The following PRKG1 variants were observed in gnomAD, a reference collection of about 807,000 sequenced individuals.
PRKG1 encodes protein kinase cGMP-dependent 1.
In PRKG1, 35 loss-of-function variants were observed where a neutral mutation model predicts 88.1. That is an observed-to-expected ratio of 0.40 (90% CI 0.30 to 0.53). The LOEUF is 0.53. PRKG1 is among the 20% of genes least tolerant of loss of function. PRKG1 has a pLI of 0.59. For missense variants in PRKG1, 540 were observed against 839.8 expected (o/e 0.64, Z 4.41); for synonymous variants, 303 against 292.5 (o/e 1.04, Z -0.37).
chr10:51,751,457 G>A (rs368681182), intron 3 of PRKG1, among the ~76,000 whole-genome samples: 1 of 152,068 alleles, frequency 6.6e-6, no homozygotes, highest in Non-Finnish European at 1.5e-5. Flanking sequence ...TGAACTCCTG[G>A]CCTCAAGTTA....
At chr10:52,170,585 G>A (rs370150941) in intron 9 of PRKG1, among the ~76,000 whole-genome samples, 1 of 152,178 alleles carries the variant, frequency 6.6e-6, no homozygotes, top group Admixed American at 6.5e-5. Flanking sequence ...TGCAAGAGCT[G>A]TAGGGAGTAT....
chr10:52,219,500 C>T (rs1300414187), intron 9 of PRKG1, among the ~76,000 whole-genome samples: 1 of 152,134 alleles, frequency 6.6e-6, no homozygotes, highest in African/African-American at 2.4e-5. Context: ...CTCCAATAAG[C>T]TTTTATCCAT....
intron 9 of PRKG1, among the ~76,000 whole-genome samples, chr10:52,186,462 G>C (rs1839203855): frequency 2.0e-5 from 3 of 150,874 alleles, no homozygotes; most frequent in African/African-American, 5.0e-5. Flanking sequence ...TATTCATGAA[G>C]GATTTTCCCC....
At chr10:51,335,974 C>G (rs1426407749) in intron 2 of PRKG1, among the ~76,000 whole-genome samples, 1 of 152,036 alleles carries the variant, frequency 6.6e-6, no homozygotes. Flanking sequence ...ATTTGATTTC[C>G]CCATATTTAA....
chr10:52,244,785 T>C (rs549937434), intron 9 of PRKG1, among the ~76,000 whole-genome samples: 10 of 144,198 alleles, frequency 6.9e-5, no homozygotes, highest in African/African-American at 2.5e-4. Flanking sequence ...TACCTTAATA[T>C]ATATTTAAAT....
At chr10:51,439,770 C>T (rs1839043246) in intron 2 of PRKG1, among the ~76,000 whole-genome samples, 1 of 151,836 alleles carries the variant, frequency 6.6e-6, no homozygotes, top group African/African-American at 2.4e-5. Flanking sequence ...CCATTCTGAA[C>T]TGTTTGTGTT....
chr10:52,125,041 T>TA (rs1408138311), intron 7 of PRKG1, among the ~76,000 whole-genome samples: 1 of 152,180 alleles, frequency 6.6e-6, no homozygotes, highest in African/African-American at 2.4e-5. Flanking sequence ...TTCTTTTTTT[T>TA]AGTAAGTAGG....
chr10:52,066,981 C>T (rs1476882802), intron 7 of PRKG1, among the ~76,000 whole-genome samples: 1 of 152,010 alleles, frequency 6.6e-6, no homozygotes, highest in African/African-American at 2.4e-5. Context: ...ATATCCTATG[C>T]CTGTAACTTG....
intron 5 of PRKG1, among the ~76,000 whole-genome samples, chr10:52,012,531 C>CGT (rs1844918032): frequency 6.6e-6 from 1 of 151,992 alleles, no homozygotes; most frequent in Non-Finnish European, 1.5e-5. Flanking sequence ...CGTGAGCCAC[C>CGT]GCGCCCAGCC....
intron 2 of PRKG1, among the ~76,000 whole-genome samples, chr10:51,444,868 C>A (rs1839223992): frequency 6.6e-6 from 1 of 151,862 alleles, no homozygotes; most frequent in African/African-American, 2.4e-5. Context: ...CATAAGTCAA[C>A]TAATTGAGAA....
At chr10:51,014,369 G>A (rs977674478) in intron 1 of PRKG1, among the ~76,000 whole-genome samples, 4 of 148,202 alleles carry the variant, frequency 2.7e-5, no homozygotes, top group African/African-American at 7.5e-5. Context: ...GTTTCTCATC[G>A]CATCAGCCAA....
chr10:51,908,338 T>C (rs1215251900), intron 5 of PRKG1: 1 of 152,062 alleles, frequency 6.6e-6, no homozygotes, highest in Non-Finnish European at 1.5e-5. Context: ...GAATTGACAA[T>C]AGAGAGATTA....
At chr10:52,178,268 T>C (rs548007793) in intron 9 of PRKG1, among the ~76,000 whole-genome samples, 1 of 152,254 alleles carries the variant, frequency 6.6e-6, no homozygotes, top group Non-Finnish European at 1.5e-5. Flanking sequence ...CAGTCATTGG[T>C]CATTCAGTAG....
chr10:51,721,148 G>A lies in PRKG1; in HGVS notation c.593-83437G>A, dbSNP rs1842001840. Reference sequence around the variant, plus strand: ...TGATCTCCTGAGCTAGGGAGGTTGAGGCTGCAGTGAGCCCATGATTATGCC... The same window carrying A: ...TGATCTCCTGAGCTAGGGAGGTTGAAGCTGCAGTGAGCCCATGATTATGCC... On this transcript the variant is annotated intron_variant, in intron 3 of 17. Transcript: ENST00000373980. Among the ~76,000 whole-genome samples the A allele has an allele frequency of 2.6e-5, 3 of 116,432 alleles. No homozygotes were observed. The South Asian group carries it at 8.0e-4, about 31-fold the overall frequency. The allele number at this position is 116,432 out of a possible 152,430, so 76.4% of individuals were successfully genotyped here. A position where few individuals can be genotyped will look rare whatever the true frequency, so the allele number is the denominator to read the frequency against.
intron 2 of PRKG1, among the ~76,000 whole-genome samples, chr10:51,312,683 A>ATGTGTGTGTG (rs34906561): frequency 6.6e-6 from 1 of 150,814 alleles, no homozygotes; most frequent in Non-Finnish European, 1.5e-5. Flanking sequence ...AGATGGATAT[A>ATGTGTGTGTG]TGTGTGTGTG....
chr10:51,032,052 AG>A (rs766204591), intron 1 of PRKG1, among the ~76,000 whole-genome samples: 8 of 152,146 alleles, frequency 5.3e-5, no homozygotes, highest in Non-Finnish European at 7.4e-5. Flanking sequence ...ACTGAAGTTG[AG>A]TGGGGGGAAC....
At chr10:51,528,108 G>C (rs1841927093) in intron 3 of PRKG1, among the ~76,000 whole-genome samples, 1 of 152,168 alleles carries the variant, frequency 6.6e-6, no homozygotes, top group Non-Finnish European at 1.5e-5. Flanking sequence ...GGGAGCAAAT[G>C]TCATTACGGA....
chr10:51,120,353 A>T (rs1845230817), intron 1 of PRKG1, among the ~76,000 whole-genome samples: 2 of 152,152 alleles, frequency 1.3e-5, no homozygotes, highest in Non-Finnish European at 2.9e-5. Context: ...ACAAACTACA[A>T]GGCCCCCTGT....
At chr10:51,779,265 T>C (rs1838522228) in intron 3 of PRKG1, among the ~76,000 whole-genome samples, 1 of 152,152 alleles carries the variant, frequency 6.6e-6, no homozygotes, top group Non-Finnish European at 1.5e-5. Context: ...ACAACCCTAC[T>C]TGGAGAATAG....
Sources: allele counts gnomAD v4.1 joint callset (sites outside exome capture counted in the v4.1 genomes callset), GRCh38; gene constraint gnomAD v4.1.1; transcripts MANE v1.5; gene names NCBI Gene and HGNC (gene_info 2026-07-23, HGNC 2026-07-21).